Variants in PTPRD observed in about 807,000 individuals in gnomAD.
PTPRD encodes the protein protein tyrosine phosphatase receptor type D.
PTPRD carries 34 observed loss-of-function variants against 214.5 expected under a neutral mutation model. The ratio of observed to expected loss-of-function variants is 0.16; its 90% CI spans 0.12 to 0.21. PTPRD has a LOEUF of 0.21. PTPRD is among the 10% of genes least tolerant of loss of function. PTPRD has a pLI of 1.00. For missense variants in PTPRD, 2,545 were observed against 2,398.7 expected, an observed-to-expected ratio of 1.06 and a Z score of -1.27; for synonymous variants, 1,128 against 845.7, an observed-to-expected ratio of 1.33 and a Z score of -5.79.
In PTPRD at chr9:9,838,172, T is replaced by C. The variant is rs569270481; in HGVS notation, c.-367-71321A>G. Among the ~76,000 whole-genome samples the C allele has an allele frequency of 1.1e-4, 16 of 152,378 alleles. No homozygotes were observed. In the East Asian group the frequency reaches 2.9e-3, roughly 28 times the overall value. On this transcript the variant is annotated intron_variant, in intron 5 of 45. Transcript: ENST00000381196. ...TTTTCTTAATCCAGTCTATCATTGT[T>C]GGACATTTGGGTTGGTTCCAAGTCT... is the stretch of plus-strand genomic sequence containing the variant.
intron 3 of PTPRD, among the ~76,000 whole-genome samples, chr9:10,272,178 A>G (rs556096605): frequency 3.9e-5 from 6 of 152,246 alleles, no homozygotes; most frequent in African/African-American, 1.4e-4. Context: ...TATTTTGGAT[A>G]TTTCACATAA....
chr9:9,149,158 A>G (rs1231276243), intron 10 of PTPRD, among the ~76,000 whole-genome samples: 1 of 152,196 alleles, frequency 6.6e-6, no homozygotes, highest in Non-Finnish European at 1.5e-5. Flanking sequence ...GTATAAAATT[A>G]TCGCTCACCT....
intron 10 of PTPRD, among the ~76,000 whole-genome samples, chr9:9,072,712 G>A (rs1275076563): frequency 6.6e-6 from 1 of 152,088 alleles, no homozygotes; most frequent in African/African-American, 2.4e-5. Flanking sequence ...TTTGCACATG[G>A]GAAATCTTAC....
chr9:8,885,402 T>C (rs1217558754), intron 11 of PTPRD, among the ~76,000 whole-genome samples: 1 of 151,566 alleles, frequency 6.6e-6, no homozygotes. Flanking sequence ...AGGCTCACAA[T>C]GCCACAAGTA....
At chr9:9,948,710 G>C (rs1307434612) in intron 4 of PTPRD, among the ~76,000 whole-genome samples, 1 of 151,986 alleles carries the variant, frequency 6.6e-6, no homozygotes, top group Non-Finnish European at 1.5e-5. Context: ...TCCAATGGCA[G>C]TAATTCTAGG....
rs775862963 is a variant in PTPRD, at chr9:8,339,169, G to C, written c.5254-122C>G. On this transcript the variant is annotated intron_variant, in intron 42 of 45. Coordinates refer to ENST00000381196, the MANE Select transcript of PTPRD (RefSeq NM_002839.4). ...CCATTAATAAAATTTCAAAATTCAA[G>C]GCAATTCCAATTGCATATGACTCAT... The C allele has an allele frequency of 2.2e-5, 24 of 1,068,822 alleles. 1 individual carries two copies. The South Asian group carries it at 3.9e-4, about 17-fold the overall frequency. The allele number at this position is 1,068,822 out of a possible 1,614,324, so 66.2% of individuals were successfully genotyped here.
intron 39 of PTPRD, among the ~76,000 whole-genome samples, chr9:8,375,194 A>T (rs909006601): frequency 4.6e-5 from 7 of 152,004 alleles, no homozygotes; most frequent in Non-Finnish European, 7.4e-5. Flanking sequence ...TAGTCTGCTA[A>T]TAATGATACT....
At chr9:8,694,466 A>G (rs1214619103) in intron 12 of PTPRD, among the ~76,000 whole-genome samples, 1 of 152,214 alleles carries the variant, frequency 6.6e-6, no homozygotes, top group Non-Finnish European at 1.5e-5. Flanking sequence ...ACTGAAATAG[A>G]AATGTTCAGG....
chr9:9,989,906 C>T (rs1307969053), intron 4 of PTPRD, among the ~76,000 whole-genome samples: 2 of 152,204 alleles, frequency 1.3e-5, no homozygotes, highest in African/African-American at 2.4e-5. Flanking sequence ...CTACCTCCAC[C>T]ACGCAAAGGG....
At chr9:10,190,625 G>C (rs897918108) in intron 3 of PTPRD, among the ~76,000 whole-genome samples, 7 of 148,252 alleles carry the variant, frequency 4.7e-5, no homozygotes, top group African/African-American at 1.5e-4. Context: ...GGCTGAGGCA[G>C]GATAATTGCT....
intron 9 of PTPRD, among the ~76,000 whole-genome samples, chr9:9,209,954 C>A (rs917586685): frequency 6.6e-6 from 1 of 152,060 alleles, no homozygotes; most frequent in Non-Finnish European, 1.5e-5. Context: ...AACTCAGATC[C>A]CATGGGGTGA....
intron 14 of PTPRD, among the ~76,000 whole-genome samples, chr9:8,606,856 T>C (rs114775947): frequency 1.4e-3 from 217 of 152,344 alleles, no homozygotes; most frequent in African/African-American, 5.0e-3. Context: ...TATAAATGAA[T>C]CCAGGATCTG....
chr9:8,336,514 C>A (rs1473605354), intron 43 of PTPRD, among the ~76,000 whole-genome samples: 1 of 146,084 alleles, frequency 6.8e-6, no homozygotes, highest in Non-Finnish European at 1.5e-5. Flanking sequence ...CTAGGCAATA[C>A]CATTCAGGAC....
chr9:9,338,258 T>C (rs1373092269), intron 9 of PTPRD, among the ~76,000 whole-genome samples: 2 of 152,198 alleles, frequency 1.3e-5, no homozygotes, highest in Admixed American at 6.6e-5. Flanking sequence ...TAACAGAATG[T>C]AGGCTTAATA....
In PTPRD at chr9:9,925,551, A is replaced by G. The variant is rs1223091423; in HGVS notation, c.-368+12956T>C. 4.6e-5 allele frequency among the ~76,000 whole-genome samples: 7 copies of G among 152,152 alleles called. No individual in the cohort carries two copies. In the East Asian group the frequency reaches 9.7e-4, roughly 21 times the overall value. ...TTTTTTAAAGCATGTTTTTATTATT[A>G]TAACAGTAATATTAAATATAGTGGT... On this transcript the variant is annotated intron_variant, in intron 5 of 45. Transcript: ENST00000381196.
chr9:8,397,251 A>T (rs1423964464), intron 36 of PTPRD, among the ~76,000 whole-genome samples: 1 of 152,130 alleles, frequency 6.6e-6, no homozygotes, highest in Non-Finnish European at 1.5e-5. Context: ...TGGGAAAGAG[A>T]GGGAGAGAAA....
intron 7 of PTPRD, among the ~76,000 whole-genome samples, chr9:9,721,018 A>G (rs1262129476): frequency 6.6e-6 from 1 of 152,166 alleles, no homozygotes. Context: ...GGGTACAAAA[A>G]AAAATAACTG....
chr9:8,716,738 C>G (rs1179721803), intron 12 of PTPRD, among the ~76,000 whole-genome samples: 1 of 150,302 alleles, frequency 6.7e-6, no homozygotes. Context: ...GGTGGCTTCC[C>G]TCATGAGATA....
intron 11 of PTPRD, among the ~76,000 whole-genome samples, chr9:8,950,207 C>T (rs1014395138): frequency 6.6e-6 from 1 of 152,058 alleles, no homozygotes; most frequent in African/African-American, 2.4e-5. Flanking sequence ...GTAGGGGGAA[C>T]AACCTACTAA....
Sources: allele counts gnomAD v4.1 joint callset (sites outside exome capture counted in the v4.1 genomes callset), GRCh38; gene constraint gnomAD v4.1.1; transcripts MANE v1.5; gene names NCBI Gene and HGNC (gene_info 2026-07-23, HGNC 2026-07-21).